STMP1: variants seen among roughly 807,000 people sequenced by gnomAD.
STMP1 encodes the protein short transmembrane mitochondrial protein 1.
A neutral mutation model predicts 7.0 loss-of-function variants in STMP1; 7 were observed. The observed-to-expected ratio is 1.01, with a 90% CI of 0.57 to 1.89. STMP1 has a LOEUF of 1.89. Ranked by LOEUF, STMP1 falls within the 40% of genes most tolerant of loss-of-function variation. The pLI is 0.00. For synonymous variants in STMP1, 19 were observed against 18.4 expected (o/e 1.03, Z -0.08); for missense variants, 45 against 53.0 (o/e 0.85, Z 0.47).
intron 1 of STMP1, 83 bp from the exon 2 acceptor site, chr7:135,672,670 A>G: frequency 4.0e-6 from 4 of 995,306 alleles, no homozygotes; most frequent in Non-Finnish European, 6.2e-6. Flanking sequence ...TCTTAGGAAG[A>G]TATTGTCTAT....
At chr7:135,666,653 CACT>C (rs55783813) in intron 1 of STMP1, among the ~76,000 whole-genome samples, 47,604 of 151,960 alleles carry the variant, frequency 0.31, 7,828 homozygotes, top group Middle Eastern at 0.5. Context: ...TACACTATTA[CACT>C]ATTATGATCC....
Position 135,676,357 on chromosome 7 carries a change from G to A in STMP1, c.*2192G>A, listed in dbSNP as rs1309127035. The A allele has an allele frequency of 6.6e-6, 1 of 152,202 alleles. No homozygotes were observed. Among genetic ancestry groups the A allele is most frequent in the East Asian group, 1.9e-4 (1 of 5,204 alleles). 9.4% of individuals were successfully genotyped at this position (152,202 alleles called of 1,614,324 possible). ...TTTCATAAAAAATAATTGAGATAAT[G>A]TATGTAATGTTTCACAGTGCTTTGC... On this transcript the variant is annotated 3_prime_UTR_variant, in exon 3 of 3. Coordinates refer to ENST00000507606, the MANE Select transcript of STMP1 (RefSeq NM_001130929.2).
chr7:135,675,753 T>C lies in STMP1; in HGVS notation c.*1588T>C, dbSNP rs1201253802. On this transcript the variant is annotated 3_prime_UTR_variant, in exon 3 of 3. Coordinates refer to ENST00000507606, the MANE Select transcript of STMP1 (RefSeq NM_001130929.2). ...GTTCAGAGCATCTTTTTTCAGACAG[T>C]GATGACATTGATTCTGTATATGATA... 1 of 152,156 alleles carries C rather than the reference T, an allele frequency of 6.6e-6. No homozygotes were observed. The highest frequency in any genetic ancestry group is 1.5e-5 in the Non-Finnish European group (1 of 68,020). 9.4% of individuals were successfully genotyped at this position (152,156 alleles called of 1,614,324 possible).
chr7:135,668,826 A>G (rs1197340576), intron 1 of STMP1, among the ~76,000 whole-genome samples: 1 of 152,156 alleles, frequency 6.6e-6, no homozygotes, highest in Non-Finnish European at 1.5e-5. Flanking sequence ...CAGTCATCAC[A>G]TGTCCATTCC....
At position 135,676,309 on chromosome 7, in the gene STMP1, C is replaced by T. The variant is rs188467152; in HGVS notation, c.*2144C>T. On this transcript the variant is annotated 3_prime_UTR_variant, in exon 3 of 3. Coordinates refer to ENST00000507606, the MANE Select transcript of STMP1 (RefSeq NM_001130929.2). ...CTCTTGCATTATCTGTAGACGTGGA[C>T]GTAAATATCCACCTCATAGGGTTTT... 1.6e-3 allele frequency: 251 copies of T among 152,218 alleles called. No individual in the cohort carries two copies. Among genetic ancestry groups the T allele is most frequent in the African/African-American group, 5.8e-3 (240 of 41,534 alleles). 9.4% of individuals were successfully genotyped at this position (152,218 alleles called of 1,614,324 possible).
At chr7:135,673,058 G>A in intron 2 of STMP1, 1 of 467,718 alleles carries the variant, frequency 2.1e-6, no homozygotes, top group South Asian at 4.0e-5. Flanking sequence ...CTCAGCTGTG[G>A]CTTGTTAGCC....
intron 1 of STMP1, among the ~76,000 whole-genome samples, chr7:135,666,640 C>T (rs1214261985): frequency 7.0e-6 from 1 of 141,872 alleles, no homozygotes; most frequent in Non-Finnish European, 1.6e-5. Flanking sequence ...CTGTGCCTGG[C>T]CTTACACTAT....
Position 135,672,810 on chromosome 7 carries a change from A to G in STMP1, c.69+4A>G. ...GTATCTGGCTCAGAACTATGATGTA[A>G]GTGGCCATATCCATGACTTCCTTGA... On this transcript the variant is annotated splice_donor_region_variant and intron_variant, in intron 2 of 2. Transcript: ENST00000507606. 1.3e-6 allele frequency: 2 copies of G among 1,550,662 alleles called. No homozygotes were observed. The highest frequency in any genetic ancestry group is 1.7e-6 in the Non-Finnish European group (2 of 1,146,076).
At chr7:135,667,468 C>G (rs1168033771) in intron 1 of STMP1, among the ~76,000 whole-genome samples, 1 of 152,254 alleles carries the variant, frequency 6.6e-6, no homozygotes. Flanking sequence ...CAACCTTGGC[C>G]TCCCAAACTG....
intron 2 of STMP1, chr7:135,673,105 G>T: frequency 2.6e-6 from 1 of 389,664 alleles, no homozygotes; most frequent in South Asian, 5.1e-5. Context: ...AAATTCTTTG[G>T]GAAATCATGT....
chr7:135,662,539 C>G lies in STMP1; in HGVS notation c.-41C>G, dbSNP rs1163407131. On this transcript the variant is annotated 5_prime_UTR_variant, in exon 1 of 3. Coordinates refer to ENST00000507606, the MANE Select transcript of STMP1 (RefSeq NM_001130929.2). ...AGGCTCGGACCGGCCCGCGGAGCTG[C>G]TGCAGTCCTTCGCGCCCTCCTCGCC... is the stretch of plus-strand genomic sequence containing the variant. 4 of 1,543,604 alleles carry G rather than the reference C, an allele frequency of 2.6e-6. No individual in the cohort carries two copies. The East Asian group carries it at 1.0e-4, about 39-fold the overall frequency.
intron 1 of STMP1, among the ~76,000 whole-genome samples, chr7:135,668,759 T>C (rs1349056200): frequency 1.3e-5 from 2 of 152,162 alleles, no homozygotes; most frequent in Non-Finnish European, 2.9e-5. Flanking sequence ...CCATACTTAA[T>C]TCTCTCCATT....
At chr7:135,663,409 A>G (rs1029311616) in intron 1 of STMP1, among the ~76,000 whole-genome samples, 1 of 151,996 alleles carries the variant, frequency 6.6e-6, no homozygotes, top group African/African-American at 2.4e-5. Context: ...CAGTGGCGCA[A>G]TCTGGGCTCA....
At chr7:135,673,825 T>C (rs1795381447) in intron 2 of STMP1, among the ~76,000 whole-genome samples, 1 of 152,126 alleles carries the variant, frequency 6.6e-6, no homozygotes, top group South Asian at 2.1e-4. Context: ...TGGTCCCAAC[T>C]ACTTGCGGGA....
At position 135,674,466 on chromosome 7, in the gene STMP1, G is replaced by A. The variant is rs779434028; in HGVS notation, c.*301G>A. On this transcript the variant is annotated 3_prime_UTR_variant, in exon 3 of 3. Transcript: ENST00000507606. ...TTTAATGAGTAGTGTCTTCTTTATC[G>A]TTTGCGATTTTTACTACCTTTTTTC... 4.8e-5 allele frequency: 13 copies of A among 271,988 alleles called. No individual in the cohort carries two copies. The highest frequency in any genetic ancestry group is 1.4e-4 in the South Asian group (1 of 7,044). The allele number at this position is 271,988 out of a possible 1,614,324, so 16.8% of individuals were successfully genotyped here. A position where few individuals can be genotyped will look rare whatever the true frequency, so the allele number is the denominator to read the frequency against.
chr7:135,669,273 G>C (rs1267789785), intron 1 of STMP1, among the ~76,000 whole-genome samples: 3 of 152,206 alleles, frequency 2.0e-5, no homozygotes, highest in Non-Finnish European at 2.9e-5. Context: ...AGCATATTTA[G>C]AGCCTTTAAT....
chr7:135,674,429 G>T lies in STMP1; in HGVS notation c.*264G>T. ...AGACTGGAATTATGGTGCTAGATTA[G>T]TAAACATGACTTTTAATGAGTAGTG... On this transcript the variant is annotated 3_prime_UTR_variant, in exon 3 of 3. Transcript: ENST00000507606. 2 of 367,038 alleles carry T rather than the reference G, an allele frequency of 5.4e-6. No individual in the cohort carries two copies. Among genetic ancestry groups the T allele is most frequent in the East Asian group, 8.5e-5 (2 of 23,418 alleles). The allele number at this position is 367,038 out of a possible 1,614,324, so 22.7% of individuals were successfully genotyped here.
intron 1 of STMP1, among the ~76,000 whole-genome samples, chr7:135,669,379 G>A (rs1466736583): frequency 6.6e-6 from 1 of 152,212 alleles, no homozygotes; most frequent in African/African-American, 2.4e-5. Context: ...TAGTTCTGAT[G>A]TTTGGAGCAT....
intron 1 of STMP1, among the ~76,000 whole-genome samples, chr7:135,665,250 T>G (rs1387902809): frequency 6.6e-6 from 1 of 152,216 alleles, no homozygotes; most frequent in African/African-American, 2.4e-5. Flanking sequence ...ATTACACATT[T>G]TGGAACCGTC....
Sources: gnomAD v4.1 joint callset for allele counts (sites outside exome capture counted in the v4.1 genomes callset) on GRCh38, gnomAD v4.1.1 for gene constraint, MANE v1.5 for transcripts, NCBI Gene and HGNC (gene_info 2026-07-23, HGNC 2026-07-21) for gene names.